The following NFATC2 variants were observed in gnomAD, a reference collection of about 807,000 sequenced individuals.
The protein encoded by NFATC2 is nuclear factor of activated T cells 2, also known as nuclear factor of activated T-cells, cytoplasmic 2.
In NFATC2, 22 loss-of-function variants were observed where a neutral mutation model predicts 87.3. The ratio of observed to expected loss-of-function variants is 0.25; its 90% CI spans 0.18 to 0.36. NFATC2 has a LOEUF of 0.36. NFATC2 is among the 10% of genes least tolerant of loss of function. The pLI is 1.00. For synonymous variants in NFATC2, 565 were observed against 542.2 expected (o/e 1.04, Z -0.58); for missense variants, 1,149 against 1,259.1 (o/e 0.91, Z 1.32).
At chr20:51,553,404 G>A (rs1207140425) in intron 1 of NFATC2, among the ~76,000 whole-genome samples, 5 of 152,166 alleles carry the variant, frequency 3.3e-5, no homozygotes, top group African/African-American at 9.7e-5. Context: ...TGCTGGGCGC[G>A]GTGGCTCACG....
chr20:51,458,817 CA>C (rs35587795), intron 5 of NFATC2, among the ~76,000 whole-genome samples: 13 of 150,788 alleles, frequency 8.6e-5, no homozygotes, highest in African/African-American at 3.2e-4. Context: ...CTCTCAAAAA[CA>C]AAAAAAAATC....
At chr20:51,520,923 T>C (rs1395979887) in intron 2 of NFATC2, among the ~76,000 whole-genome samples, 2 of 152,118 alleles carry the variant, frequency 1.3e-5, no homozygotes, top group Non-Finnish European at 2.9e-5. Context: ...CCTTCCAAAG[T>C]GCTGGGATTA....
intron 1 of NFATC2, among the ~76,000 whole-genome samples, chr20:51,540,653 T>TTTTTTTTTG (rs1442791698): frequency 3.8e-5 from 5 of 132,210 alleles, no homozygotes; most frequent in Admixed American, 7.2e-5. Context: ...TGAAGTTTTT[T>TTTTTTTTTG]TTTTGTTTTT....
intron 9 of NFATC2, among the ~76,000 whole-genome samples, chr20:51,407,412 C>T (rs141277757): frequency 0.018 from 2,802 of 152,326 alleles, 36 homozygotes; most frequent in Non-Finnish European, 0.021. Flanking sequence ...GAGCAATAAA[C>T]GGCTGTTGGA....
At chr20:51,527,662 T>A (rs2076566509) in intron 1 of NFATC2, among the ~76,000 whole-genome samples, 2 of 152,216 alleles carry the variant, frequency 1.3e-5, no homozygotes, top group Non-Finnish European at 2.9e-5. Context: ...TGGAATAAAC[T>A]ATTACTCAAA....
At chr20:51,417,416 T>C (rs1458475487) in intron 9 of NFATC2, among the ~76,000 whole-genome samples, 1 of 151,956 alleles carries the variant, frequency 6.6e-6, no homozygotes, top group Non-Finnish European at 1.5e-5. Flanking sequence ...ACACCAGACC[T>C]CTCTCTGTCC....
In NFATC2 at chr20:51,523,416, G is replaced by C. The variant is rs2076484761; in HGVS notation, c.825C>G (p.Pro275=). Reference sequence around the variant, plus strand: ...CCACGTGAGATGAGGGCTGCGGCGAGGGGCTCCGGGAGCGCTGGGGTGAGG... The same window carrying C: ...CCACGTGAGATGAGGGCTGCGGCGACGGGCTCCGGGAGCGCTGGGGTGAGG... ...PGASPQRSRS[P]SPQPSSHVAP... The change falls in exon 2 of 11, where the codon CCC becomes CCG. Residue 275 remains proline, a synonymous_variant. Transcript: ENST00000371564. The surrounding 1 kb of genome is among the most constrained non-coding windows in gnomAD (Gnocchi z 6.9). The C allele has an allele frequency of 6.2e-7, 1 of 1,608,454 alleles. No individual in the cohort carries two copies. Among genetic ancestry groups the C allele is most frequent in the Non-Finnish European group, 8.5e-7 (1 of 1,177,224 alleles).
intron 5 of NFATC2, among the ~76,000 whole-genome samples, chr20:51,468,575 G>A (rs1035913932): frequency 3.9e-5 from 6 of 152,228 alleles, no homozygotes; most frequent in African/African-American, 1.4e-4. Flanking sequence ...CTGGAGACAT[G>A]GCTGGAGAGG....
rs181707504 is a variant in NFATC2 at position 51,430,046 on chromosome 20, C to T, written c.2722+2021G>A. Among the ~76,000 whole-genome samples, 597 of 152,202 alleles carry T rather than the reference C, an allele frequency of 3.9e-3. 1 individual carries two copies. Among genetic ancestry groups the T allele is most frequent in the Middle Eastern group, 6.8e-3 (2 of 294 alleles). ...GAAACGGCAAGGACATCTGTGGATCCGGGGCTGCCATAGCCAGTCATGACC... is the reference window on the plus strand; with the variant it reads ...GAAACGGCAAGGACATCTGTGGATCTGGGGCTGCCATAGCCAGTCATGACC... On this transcript the variant is annotated intron_variant, in intron 9 of 10. Transcript: ENST00000371564.
At chr20:51,444,818 C>G (rs938851423) in intron 6 of NFATC2, among the ~76,000 whole-genome samples, 1 of 152,046 alleles carries the variant, frequency 6.6e-6, no homozygotes, top group African/African-American at 2.4e-5. Context: ...GCCCAGCAGA[C>G]AGGGGTGGGG....
At chr20:51,395,738 A>G (rs1281187456) in intron 10 of NFATC2, among the ~76,000 whole-genome samples, 1 of 150,902 alleles carries the variant, frequency 6.6e-6, no homozygotes, top group East Asian at 1.9e-4. Context: ...TATATATGAC[A>G]AAGTCATTTA....
chr20:51,450,669 C>T (rs376618612), intron 6 of NFATC2, among the ~76,000 whole-genome samples: 16 of 152,310 alleles, frequency 1.1e-4, no homozygotes, highest in African/African-American at 2.6e-4. Flanking sequence ...CACCTGTGGA[C>T]GAGTCCCCTG....
intron 9 of NFATC2, among the ~76,000 whole-genome samples, chr20:51,418,207 A>G (rs1980316163): frequency 6.6e-6 from 1 of 152,180 alleles, no homozygotes; most frequent in Non-Finnish European, 1.5e-5. Context: ...TGTAGAGTGG[A>G]CACTCCTTCC....
At chr20:51,391,690 A>G (rs1986369563) in intron 10 of NFATC2, among the ~76,000 whole-genome samples, 1 of 151,842 alleles carries the variant, frequency 6.6e-6, no homozygotes, top group South Asian at 2.1e-4. Context: ...ACATTTTTAA[A>G]TTTTTAGTAG....
rs868866281 is a variant in NFATC2 at position 51,442,710 on chromosome 20, T to G, written c.1850-6949A>C. Among the ~76,000 whole-genome samples the G allele has an allele frequency of 5.1e-3, 741 of 145,996 alleles. 3 individuals carry two copies. The highest frequency in any genetic ancestry group is 0.017 in the African/African-American group (670 of 39,342). On this transcript the variant is annotated intron_variant, in intron 6 of 10. Transcript: ENST00000371564. ...TTATTATTTTTAAATAAAGTTTGTT[T>G]TTTTTTTTTTTCTTAAGAAAAAGGC...
upstream of NFATC2, among the ~76,000 whole-genome samples, chr20:51,543,800 A>G (rs960011929): frequency 3.3e-5 from 5 of 152,100 alleles, no homozygotes; most frequent in Non-Finnish European, 5.9e-5. Flanking sequence ...ACACCCTCCA[A>G]TAAAACTCTG....
chr20:51,489,366 G>C (rs980666886), intron 3 of NFATC2, among the ~76,000 whole-genome samples: 1 of 152,208 alleles, frequency 6.6e-6, no homozygotes, highest in African/African-American at 2.4e-5. Flanking sequence ...ACCTGGAGTT[G>C]AACAGGAGGT....
chr20:51,512,448 G>A (rs1427887094), intron 3 of NFATC2, among the ~76,000 whole-genome samples: 5 of 152,126 alleles, frequency 3.3e-5, no homozygotes, highest in Admixed American at 3.3e-4. Flanking sequence ...TCTCACCAAC[G>A]TTGTATCACC....
At chr20:51,486,327 G>T (rs1020232278) in intron 3 of NFATC2, among the ~76,000 whole-genome samples, 1 of 152,178 alleles carries the variant, frequency 6.6e-6, no homozygotes, top group Non-Finnish European at 1.5e-5. Context: ...AGCCACAGGG[G>T]CCTCCTTGCT....
Sources: gnomAD v4.1 joint callset for allele counts (sites outside exome capture counted in the v4.1 genomes callset) on GRCh38, gnomAD v4.1.1 for gene constraint, Gnocchi (gnomAD v3.1) non-coding constraint, MANE v1.5 for transcripts, NCBI Gene and HGNC (gene_info 2026-07-23, HGNC 2026-07-21) for gene names.